Variants in APBA2 observed in about 807,000 individuals in gnomAD.
APBA2 encodes amyloid-beta A4 precursor protein-binding family A member 2.
A neutral mutation model predicts 75.0 loss-of-function variants in APBA2; 30 were observed. The observed-to-expected ratio is 0.40, with a 90% CI of 0.30 to 0.54. APBA2 has a LOEUF of 0.54. APBA2 is among the 20% of genes least tolerant of loss of function. APBA2 has a pLI of 0.49. For synonymous variants in APBA2, 444 were observed against 409.6 expected (o/e 1.08, Z -1.01); for missense variants, 801 against 1,016.1 (o/e 0.79, Z 2.88).
intron 3 of APBA2, among the ~76,000 whole-genome samples, chr15:29,049,987 G>A (rs1403971821): frequency 6.6e-6 from 1 of 152,078 alleles, no homozygotes; most frequent in African/African-American, 2.4e-5. Flanking sequence ...AGTAAGATGT[G>A]GGACTTGATT....
intron 2 of APBA2, among the ~76,000 whole-genome samples, chr15:28,979,658 C>A (rs1203360496): frequency 2.0e-5 from 3 of 152,196 alleles, no homozygotes; most frequent in African/African-American, 7.2e-5. Context: ...GTGCCCCCGG[C>A]CCCGTGTGAG....
At chr15:29,010,448 C>T (rs999872041) in intron 3 of APBA2, among the ~76,000 whole-genome samples, 35 of 152,146 alleles carry the variant, frequency 2.3e-4, no homozygotes, top group African/African-American at 7.7e-4. Flanking sequence ...TTAGTAGAGA[C>T]GGGGTTTCAC....
Position 29,075,014 on chromosome 15 carries a change from A to C in APBA2, c.1032+13A>C. 1 of 1,604,322 alleles carries C rather than the reference A, an allele frequency of 6.2e-7. No individual in the cohort carries two copies. The highest frequency in any genetic ancestry group is 8.5e-7 in the Non-Finnish European group (1 of 1,172,186). ...CAACATTCCAGAGGTAATTTTTTTC[A>C]AGGATGAGAGTTCTGGGCTGGAACA... On this transcript the variant is annotated intron_variant, in intron 5 of 14. Coordinates refer to ENST00000683413, the MANE Select transcript of APBA2 (RefSeq NM_001353788.2).
chr15:28,955,239 C>T (rs961890102), intron 2 of APBA2, among the ~76,000 whole-genome samples: 2 of 152,018 alleles, frequency 1.3e-5, no homozygotes, highest in Admixed American at 6.6e-5. Flanking sequence ...AGAGGTGATG[C>T]GTTTTGTGTG....
chr15:28,924,576 T>C (rs1426468519), intron 2 of APBA2, among the ~76,000 whole-genome samples: 2 of 152,216 alleles, frequency 1.3e-5, no homozygotes, highest in Admixed American at 6.5e-5. Context: ...ATGACCCATG[T>C]TGCAACATGT....
intron 7 of APBA2, 65 bp downstream of exon 7, chr15:29,093,285 A>G (rs1210493750): frequency 3.8e-6 from 6 of 1,594,862 alleles, no homozygotes; most frequent in Admixed American, 3.5e-5. Context: ...GCAGGAGGGA[A>G]TATGGCGGGG....
intron 3 of APBA2, among the ~76,000 whole-genome samples, chr15:29,011,138 G>T (rs1187463390): frequency 1.3e-5 from 2 of 152,108 alleles, no homozygotes; most frequent in East Asian, 3.9e-4. Flanking sequence ...TGTCCTCAAG[G>T]TTCATCTGTG....
intron 2 of APBA2, among the ~76,000 whole-genome samples, chr15:28,980,852 G>A (rs1267333740): frequency 6.6e-6 from 1 of 152,168 alleles, no homozygotes; most frequent in Non-Finnish European, 1.5e-5. Context: ...ACAGAGCAGT[G>A]GAACCGAGTA....
At chr15:28,944,783 G>A (rs2035447336) in intron 2 of APBA2, among the ~76,000 whole-genome samples, 1 of 152,242 alleles carries the variant, frequency 6.6e-6, no homozygotes, top group Non-Finnish European at 1.5e-5. Flanking sequence ...ATGAAATGTG[G>A]TTGCCCGATG....
chr15:28,924,727 G>A (rs2034164494), intron 2 of APBA2, among the ~76,000 whole-genome samples: 1 of 152,096 alleles, frequency 6.6e-6, no homozygotes, highest in Admixed American at 6.5e-5. Context: ...GAGTGTGTGT[G>A]GATAGTGTTA....
intron 2 of APBA2, among the ~76,000 whole-genome samples, chr15:28,946,858 C>A (rs957898783): frequency 6.6e-6 from 1 of 152,182 alleles, no homozygotes. Context: ...GGATTATAGG[C>A]GTGAGCCACT....
At position 29,118,308 on chromosome 15, in the gene APBA2, G is replaced by A. The variant is rs950737255; in HGVS notation, c.*1175G>A. On this transcript the variant is annotated 3_prime_UTR_variant, in exon 15 of 15. Transcript: ENST00000683413. Reference sequence around the variant, plus strand: ...ATATCACTAATAAACCTGAAGTCGTGATGAAAAGCCGTGTGTGTGACTGGT... The same window carrying A: ...ATATCACTAATAAACCTGAAGTCGTAATGAAAAGCCGTGTGTGTGACTGGT... 6.6e-6 allele frequency: 1 copy of A among 152,424 alleles called. No homozygotes were observed. The highest frequency in any genetic ancestry group is 2.4e-5 in the African/African-American group (1 of 41,480). 9.4% of individuals were successfully genotyped at this position (152,424 alleles called of 1,614,324 possible).
chr15:28,908,949 C>T (rs1043742589), intron 1 of APBA2, among the ~76,000 whole-genome samples: 7 of 151,568 alleles, frequency 4.6e-5, no homozygotes, highest in African/African-American at 1.5e-4. Flanking sequence ...CTCCTCCTTC[C>T]ACCTCCCCCA....
intron 3 of APBA2, among the ~76,000 whole-genome samples, chr15:29,044,153 T>G (rs1431811490): frequency 1.3e-5 from 2 of 152,248 alleles, no homozygotes; most frequent in Admixed American, 1.3e-4. Context: ...TTGTGGTCAC[T>G]GAATAGCTAT....
intron 2 of APBA2, among the ~76,000 whole-genome samples, chr15:28,949,233 A>G (rs1005912935): frequency 6.6e-5 from 10 of 152,014 alleles, no homozygotes; most frequent in African/African-American, 2.2e-4. Context: ...CCACCCAGAG[A>G]GTGACTTGGG....
At chr15:28,914,281 C>T (rs1240440261) in intron 1 of APBA2, among the ~76,000 whole-genome samples, 4 of 151,896 alleles carry the variant, frequency 2.6e-5, no homozygotes, top group Admixed American at 6.6e-5. Context: ...AGCTCACCTC[C>T]GAGCCTGGTG....
chr15:28,975,861 G>T (rs1012754840), intron 2 of APBA2, among the ~76,000 whole-genome samples: 3 of 152,124 alleles, frequency 2.0e-5, no homozygotes, highest in Non-Finnish European at 4.4e-5. Flanking sequence ...GTTTGATGGC[G>T]CCCTCTATTG....
chr15:29,054,285 G>T lies in APBA2; in HGVS notation c.401G>T (p.Cys134Phe). 6.2e-7 allele frequency: 1 copy of T among 1,614,152 alleles called. No homozygotes were observed. ...GCACACCCTGTGGACACTGATGAGT[G>T]CCAGGAGGCGGTGGAGGAGTGGACG... Reference protein sequence around the residue: ...HSAHPVDTDECQEAVEEWTDS... With the variant: ...HSAHPVDTDEFQEAVEEWTDS... The change falls in exon 4 of 15, where the codon TGC becomes TTC. Residue 134 changes from cysteine to phenylalanine, a missense_variant. Coordinates refer to ENST00000683413, the MANE Select transcript of APBA2 (RefSeq NM_001353788.2). The surrounding 1 kb of genome is among the most constrained non-coding windows in gnomAD (Gnocchi z 6.1).
At position 29,054,148 on chromosome 15, in the gene APBA2, G is replaced by A. The variant is rs1190392273; in HGVS notation, c.264G>A (p.Glu88=). ...CCTCTGAGGAGGAGGACTATGACGA[G>A]GGCCTCCCTGAGGAGGAGGAGGGCA... The part of the protein sequence containing the change: ...NNTSEEEDYD[E]GLPEEEEGIT... Residue 88 remains glutamate (E), a synonymous_variant, in exon 4 of 15, where the codon GAG becomes GAA. Coordinates refer to ENST00000683413, the MANE Select transcript of APBA2 (RefSeq NM_001353788.2). This position sits in a 1 kb window ranked among gnomAD's most constrained non-coding sequence, Gnocchi z 6.1. The A allele has an allele frequency of 1.1e-5, 18 of 1,614,180 alleles. No homozygotes were observed. The highest frequency in any genetic ancestry group is 1.4e-5 in the Non-Finnish European group (17 of 1,180,008).
Sources: gnomAD v4.1 joint callset for allele counts (sites outside exome capture counted in the v4.1 genomes callset) on GRCh38, gnomAD v4.1.1 for gene constraint, Gnocchi (gnomAD v3.1) non-coding constraint, MANE v1.5 for transcripts, NCBI Gene and HGNC (gene_info 2026-07-23, HGNC 2026-07-21) for gene names.